Variants in DGKB observed in about 807,000 individuals in gnomAD.
DGKB encodes 90 kDa diacylglycerol kinase.
DGKB carries 67 observed loss-of-function variants against 114.3 expected under a neutral mutation model. The ratio of observed to expected loss-of-function variants is 0.59; its 90% CI spans 0.48 to 0.72. DGKB has a LOEUF of 0.72. Ranked by LOEUF, DGKB falls within the 30% of genes least tolerant of loss-of-function variation. The pLI is 0.00. For missense variants in DGKB, 907 were observed against 975.2 expected, an observed-to-expected ratio of 0.93 and a Z score of 0.93; for synonymous variants, 398 against 323.1, an observed-to-expected ratio of 1.23 and a Z score of -2.49.
intron 23 of DGKB, among the ~76,000 whole-genome samples, chr7:14,326,873 TC>T: frequency 1.3e-5 from 2 of 152,146 alleles, no homozygotes; most frequent in Non-Finnish European, 2.9e-5. Flanking sequence ...TATTAGCCTG[TC>T]CCCATTAACC....
At chr7:14,741,308 G>T (rs1832551082) in intron 4 of DGKB, among the ~76,000 whole-genome samples, 1 of 152,152 alleles carries the variant, frequency 6.6e-6, no homozygotes, top group African/African-American at 2.4e-5. Flanking sequence ...TAAAAGGAAT[G>T]GTAGGGATAT....
At chr7:14,468,976 G>T (rs1563251446) in intron 21 of DGKB, among the ~76,000 whole-genome samples, 1 of 152,008 alleles carries the variant, frequency 6.6e-6, no homozygotes, top group African/African-American at 2.4e-5. Flanking sequence ...GCATGGAAAT[G>T]ATAATAATAA....
chr7:14,288,340 A>G (rs2128467644), intron 23 of DGKB, among the ~76,000 whole-genome samples: 1 of 143,846 alleles, frequency 7.0e-6, no homozygotes, highest in Non-Finnish European at 1.5e-5. Context: ...AACCTGGGAG[A>G]AAAGGATCAC....
chr7:14,201,517 G>A (rs1785871442), intron 23 of DGKB, among the ~76,000 whole-genome samples: 2 of 151,968 alleles, frequency 1.3e-5, no homozygotes, highest in Non-Finnish European at 2.9e-5. Context: ...AGAACTGACA[G>A]CATTATGAAT....
chr7:14,468,994 G>C (rs1293956012), intron 21 of DGKB, among the ~76,000 whole-genome samples: 2 of 151,996 alleles, frequency 1.3e-5, no homozygotes. Flanking sequence ...TAAAATGTAA[G>C]TGTCTTGCAA....
At chr7:14,713,616 T>C (rs1310063741) in intron 6 of DGKB, among the ~76,000 whole-genome samples, 1 of 146,144 alleles carries the variant, frequency 6.8e-6, no homozygotes, top group Admixed American at 7.2e-5. Context: ...GTGTAATTAA[T>C]AACCACCCTC....
chr7:14,320,704 T>C (rs1297928022), intron 23 of DGKB, among the ~76,000 whole-genome samples: 1 of 152,078 alleles, frequency 6.6e-6, no homozygotes, highest in Non-Finnish European at 1.5e-5. Flanking sequence ...AGAATCATTT[T>C]ATGGTCTGCA....
intron 25 of DGKB, among the ~76,000 whole-genome samples, chr7:14,172,705 G>A (rs1181094558): frequency 6.6e-6 from 1 of 152,028 alleles, no homozygotes; most frequent in East Asian, 1.9e-4. Flanking sequence ...AGGTTCCTGA[G>A]GCTTTGAATA....
At chr7:14,884,563 G>A (rs1232354333) in intron 1 of DGKB, among the ~76,000 whole-genome samples, 1 of 151,902 alleles carries the variant, frequency 6.6e-6, no homozygotes, top group African/African-American at 2.4e-5. Flanking sequence ...GACTTTTTCT[G>A]AGGCAGCACT....
At chr7:14,516,389 G>A (rs1584508969) in intron 20 of DGKB, among the ~76,000 whole-genome samples, 2 of 152,130 alleles carry the variant, frequency 1.3e-5, no homozygotes, top group African/African-American at 4.8e-5. Context: ...CCTAGTTGAA[G>A]GGTTCAATGT....
At position 14,553,895 on chromosome 7, in the gene DGKB, C is replaced by T. The variant is rs1257736995; in HGVS notation, c.1770+20317G>A. On this transcript the variant is annotated intron_variant, in intron 20 of 25. Coordinates refer to ENST00000402815, the MANE Select transcript of DGKB (RefSeq NM_001350709.2). Reference sequence around the variant, plus strand: ...TTTTTTTTTTTTTTTTTTTTTGAGACGGAGTCTCGCTCTGTCGCCCAGGCT... The same window carrying T: ...TTTTTTTTTTTTTTTTTTTTTGAGATGGAGTCTCGCTCTGTCGCCCAGGCT... 2.2e-4 allele frequency among the ~76,000 whole-genome samples: 12 copies of T among 53,350 alleles called. No individual in the cohort carries two copies. The South Asian group carries it at 3.9e-3, about 18-fold the overall frequency. The allele number at this position is 53,350 out of a possible 152,430, so 35.0% of individuals were successfully genotyped here.
chr7:14,387,166 G>C (rs1820502326), intron 21 of DGKB, among the ~76,000 whole-genome samples: 1 of 151,856 alleles, frequency 6.6e-6, no homozygotes, highest in African/African-American at 2.4e-5. Context: ...GCTCACGCCT[G>C]TAATCCCAGC....
chr7:14,631,870 G>C (rs576821181), intron 13 of DGKB, among the ~76,000 whole-genome samples: 1 of 151,878 alleles, frequency 6.6e-6, no homozygotes, highest in African/African-American at 2.4e-5. Context: ...TCAAATTCAG[G>C]TCAGGAATGT....
intron 5 of DGKB, among the ~76,000 whole-genome samples, chr7:14,729,925 C>T (rs1564036061): frequency 6.6e-6 from 1 of 152,086 alleles, no homozygotes; most frequent in African/African-American, 2.4e-5. Context: ...AAATGGCACA[C>T]CTATCAATTG....
chr7:14,454,216 G>A (rs1210763243), intron 21 of DGKB, among the ~76,000 whole-genome samples: 1 of 151,866 alleles, frequency 6.6e-6, no homozygotes, highest in East Asian at 1.9e-4. Flanking sequence ...TTTTCCTACT[G>A]TAGTATTGAA....
intron 25 of DGKB, among the ~76,000 whole-genome samples, chr7:14,174,725 C>A (rs1321624152): frequency 6.6e-6 from 1 of 152,134 alleles, no homozygotes; most frequent in African/African-American, 2.4e-5. Flanking sequence ...ATTACCCCCA[C>A]CACCATCATA....
intron 20 of DGKB, among the ~76,000 whole-genome samples, chr7:14,569,858 T>C (rs1798116764): frequency 6.6e-6 from 1 of 151,826 alleles, no homozygotes; most frequent in Admixed American, 6.6e-5. Flanking sequence ...CCATTTATTC[T>C]GATCTTGTGT....
chr7:14,630,577 A>T (rs1809495176), intron 13 of DGKB, among the ~76,000 whole-genome samples: 1 of 151,930 alleles, frequency 6.6e-6, no homozygotes, highest in South Asian at 2.1e-4. Context: ...TTTAATAAAT[A>T]ATTTCCACTA....
chr7:14,825,618 CAG>C (rs1845599307), intron 2 of DGKB, among the ~76,000 whole-genome samples: 1 of 152,096 alleles, frequency 6.6e-6, no homozygotes. Flanking sequence ...GCTGTAAATA[CAG>C]AGGAAATTTC....
Sources: allele counts gnomAD v4.1 joint callset (sites outside exome capture counted in the v4.1 genomes callset), GRCh38; gene constraint gnomAD v4.1.1; transcripts MANE v1.5; gene names NCBI Gene and HGNC (gene_info 2026-07-23, HGNC 2026-07-21).